RASAL3: variants seen among roughly 807,000 people sequenced by gnomAD.
RASAL3 encodes the protein RAS protein activator like-3.
In RASAL3, 74 loss-of-function variants were observed where a neutral mutation model predicts 105.5. The observed-to-expected ratio is 0.70, with a 90% CI of 0.58 to 0.85. The LOEUF is 0.85. RASAL3 is among the 40% of genes least tolerant of loss of function. RASAL3 has a pLI of 0.00. For missense variants in RASAL3, 1,352 were observed against 1,392.0 expected (o/e 0.97, Z 0.46); for synonymous variants, 579 against 591.6 (o/e 0.98, Z 0.31).
At position 15,452,059 on chromosome 19, in the gene RASAL3, T is replaced by G; in HGVS notation, c.2878A>C (p.Ser960Arg). 3 of 1,613,948 alleles carry G rather than the reference T, an allele frequency of 1.9e-6. No individual in the cohort carries two copies. The highest frequency in any genetic ancestry group is 2.5e-6 in the Non-Finnish European group (3 of 1,179,856). ...EHNLTSNEGHSLKNLEHRLNE... is the reference protein window; with the variant it reads ...EHNLTSNEGHRLKNLEHRLNE... ...GGCAATCTCACCAGGTTTTTCAGAC[T>G]GTGCCCTTCATTGCTTGTTAGGTTG... Residue 960 changes from serine to arginine, a missense_variant, in exon 17 of 18, where the codon AGT becomes CGT. Ser to Arg is a moderately radical substitution (Grantham distance 110). Transcript: ENST00000343625.
chr19:15,458,969 A>G (rs529033700), intron 6 of RASAL3, among the ~76,000 whole-genome samples: 1 of 151,734 alleles, frequency 6.6e-6, no homozygotes, highest in South Asian at 2.1e-4. Context: ...TATTTGAGAC[A>G]GAGTCTTGTT....
At position 15,458,602 on chromosome 19, in the gene RASAL3, T is replaced by G; in HGVS notation, c.716A>C (p.Asp239Ala). ...CCGCACATCCCGCTCGGCACCCAGG[T>G]CCAGTTCAGAGAGTGTGGCCAGCGA... is the stretch of plus-strand genomic sequence containing the variant. The part of the protein sequence containing the change: ...RESLATLSEL[D>A]LGAERDVRIW... The change falls in exon 7 of 18, where the codon GAC (aspartate) becomes GCC (alanine). Residue 239 changes from aspartate to alanine, a missense_variant. Asp to Ala is a moderately radical substitution (Grantham distance 126). Transcript: ENST00000343625. 2.5e-6 allele frequency: 4 copies of G among 1,613,470 alleles called. No individual in the cohort carries two copies. Among genetic ancestry groups the G allele is most frequent in the Non-Finnish European group, 3.4e-6 (4 of 1,179,732 alleles).
chr19:15,452,444 G>A (rs1970179310), intron 16 of RASAL3: 4 of 595,216 alleles, frequency 6.7e-6, no homozygotes, highest in Non-Finnish European at 1.2e-5. Flanking sequence ...CTGGATGAGA[G>A]AATCTGCCAG....
Position 15,457,461 on chromosome 19 carries a change from G to A in RASAL3, c.1262C>T (p.Ala421Val), listed in dbSNP as rs1188434681. Reference protein sequence around the residue: ...AGAALRARIRARRLRVLPSER... With the variant: ...AGAALRARIRVRRLRVLPSER... The stretch of plus-strand genomic sequence containing the variant: ...GGACGGCAGCACGCGCAGGCGACGC[G>A]CCCGAATCCGCGCCCGCAGCGCTGC... The change falls in exon 9 of 18, where the codon GCG (alanine) becomes GTG (valine). Residue 421 changes from alanine to valine, a missense_variant. This residue lies in a region of RASAL3 where 920 missense variants were observed against 919.6 expected (regional missense o/e 1.00). Transcript: ENST00000343625. The surrounding 1 kb of genome is among the most constrained non-coding windows in gnomAD (Gnocchi z 8.6). 7.3e-7 allele frequency: 1 copy of A among 1,372,604 alleles called. No homozygotes were observed. The highest frequency in any genetic ancestry group is 9.4e-7 in the Non-Finnish European group (1 of 1,063,502). 85.0% of individuals were successfully genotyped at this position (1,372,604 alleles called of 1,614,324 possible). A position where few individuals can be genotyped will look rare whatever the true frequency, so the allele number is the denominator to read the frequency against.
In RASAL3 at chr19:15,458,406, G is replaced by A. The variant is rs2145476246; in HGVS notation, c.810C>T (p.Ser270=). 1.2e-6 allele frequency: 2 copies of A among 1,613,884 alleles called. No individual in the cohort carries two copies. The highest frequency in any genetic ancestry group is 2.2e-5 in the South Asian group (2 of 91,066). Residue 270 remains serine, a synonymous_variant, in exon 8 of 18, where the codon AGC becomes AGT. Transcript: ENST00000343625. ...HCFQVTWTGG[S]RCFSCRSAAE... Reference sequence around the variant, plus strand: ...CGGCCGAGCGACAAGAGAAGCAGCGGCTTCCACCCGTCCAGGTTACCTGTT... The same window carrying A: ...CGGCCGAGCGACAAGAGAAGCAGCGACTTCCACCCGTCCAGGTTACCTGTT...
intron 12 of RASAL3, 38 bp downstream of exon 12, chr19:15,454,619 C>T (rs372183828): frequency 6.2e-7 from 1 of 1,611,906 alleles, no homozygotes. Context: ...CCCACACTCC[C>T]AGCATGGTCC....
At position 15,453,274 on chromosome 19, in the gene RASAL3, A is replaced by G; in HGVS notation, c.2503T>C (p.Trp835Arg). 6.5e-7 allele frequency: 1 copy of G among 1,539,858 alleles called. No homozygotes were observed. The highest frequency in any genetic ancestry group is 1.2e-5 in the South Asian group (1 of 84,114). Reference sequence around the variant, plus strand: ...CTCAGGGAGCCTTTGGGTCGCGGCCAGGGCCCCGCAGATTGGCGGCGGCGG... The same window carrying G: ...CTCAGGGAGCCTTTGGGTCGCGGCCGGGGCCCCGCAGATTGGCGGCGGCGG... ...PARRRQSAGPWPRPKGSLSMG... is the reference protein window; with the variant it reads ...PARRRQSAGPRPRPKGSLSMG... The change falls in exon 15 of 18, where the codon TGG becomes CGG. Residue 835 changes from tryptophan (W) to arginine (R), a missense_variant. Around this residue, in one of 3 missense-constraint regions of RASAL3, gnomAD observed 920 missense variants for 919.6 expected, o/e 1.00. Coordinates refer to ENST00000343625, the MANE Select transcript of RASAL3 (RefSeq NM_022904.3). This position sits in a 1 kb window ranked among gnomAD's most constrained non-coding sequence, Gnocchi z 4.2.
chr19:15,453,244 C>T lies in RASAL3; in HGVS notation c.2533G>A (p.Gly845Arg), dbSNP rs768987938. The T allele has an allele frequency of 3.8e-6, 6 of 1,590,028 alleles. No individual in the cohort carries two copies. The highest frequency in any genetic ancestry group is 2.3e-5 in the East Asian group (1 of 43,584). ...CAAGGCCGGGCGCGGGGCGCTGGTC[C>T]CATGCTCAGGGAGCCTTTGGGTCGC... is the stretch of plus-strand genomic sequence containing the variant. ...WPRPKGSLSM[G>R]PAPRARPWTR... The change falls in exon 15 of 18, where the codon GGA becomes AGA. Residue 845 changes from glycine to arginine, a missense_variant. By Grantham distance (125) the Gly-to-Arg change is moderately radical. This residue lies in a region of RASAL3 where 920 missense variants were observed against 919.6 expected (regional missense o/e 1.00). Transcript: ENST00000343625. The surrounding 1 kb of genome is among the most constrained non-coding windows in gnomAD (Gnocchi z 4.2).
rs201327108 is a variant in RASAL3 at position 15,458,620 on chromosome 19, G to A, written c.698C>T (p.Ala233Val). ...PSALGSRESL[A>V]TLSELDLGAE... ...ACCCAGGTCCAGTTCAGAGAGTGTG[G>A]CCAGCGACTCCCTAGAGCCCAGAGC... The change falls in exon 7 of 18, where the codon GCC (alanine) becomes GTC (valine). Residue 233 changes from alanine (A) to valine (V), a missense_variant. This residue lies in a region of RASAL3 where 344 missense variants were observed against 339.6 expected (regional missense o/e 1.01). Coordinates refer to ENST00000343625, the MANE Select transcript of RASAL3 (RefSeq NM_022904.3). 801 of 1,613,578 alleles carry A rather than the reference G, an allele frequency of 5.0e-4. 3 individuals are homozygous for A. Among genetic ancestry groups the A allele is most frequent in the South Asian group, 2.0e-3 (181 of 90,966 alleles).
intron 2 of RASAL3, 91 bp downstream of exon 2, chr19:15,463,940 G>A: frequency 8.2e-7 from 1 of 1,219,888 alleles, no homozygotes; most frequent in Non-Finnish European, 1.1e-6. Context: ...ACAACTTCCT[G>A]TGTCTGTATG....
rs780672361 is a variant in RASAL3, at chr19:15,454,456, C to G, written c.2065G>C (p.Ala689Pro). Reference sequence around the variant, plus strand: ...CTGCCCTGGTAACCACTGGGGGCAGCATCCACATCCACCATGGCTACCTGG... The same window carrying G: ...CTGCCCTGGTAACCACTGGGGGCAGGATCCACATCCACCATGGCTACCTGG... ...LDQVAMVDVD[A>P]APSGYQGSGD... is the part of the protein sequence containing the mutation. The change falls in exon 13 of 18, where the codon GCT becomes CCT. Residue 689 changes from alanine to proline, a missense_variant. Coordinates refer to ENST00000343625, the MANE Select transcript of RASAL3 (RefSeq NM_022904.3). 56 of 1,613,880 alleles carry G rather than the reference C, an allele frequency of 3.5e-5. No individual in the cohort carries two copies. In the Admixed American group the frequency reaches 9.3e-4, roughly 27 times the overall value.
rs1970193066 is a variant in RASAL3, at chr19:15,452,666, G to C, written c.2820C>G (p.Leu940=). The change falls in exon 16 of 18, where the codon CTC becomes CTG. Residue 940 remains leucine, a synonymous_variant. Coordinates refer to ENST00000343625, the MANE Select transcript of RASAL3 (RefSeq NM_022904.3). ...RGQLQDLDSR[L]RAGSSEFDSE... ...GAGAGGGCTGGGCTCACCCAGCACG[G>C]AGCCTGGAGTCCAGATCCTGCAGCT... The C allele has an allele frequency of 6.5e-7, 1 of 1,547,392 alleles. No homozygotes were observed. Among genetic ancestry groups the C allele is most frequent in the South Asian group, 1.2e-5 (1 of 83,626 alleles).
chr19:15,453,353 C>T lies in RASAL3; in HGVS notation c.2424G>A (p.Leu808=). ...ARPRPDEERP[L]RRPRPVQRTQ... ...TGCGCTGCACCGGCCGGGGCCGCCG[C>T]AGGGGCCGCTCTTCGTCCGGCCGTG... The change falls in exon 15 of 18, where the codon CTG becomes CTA. Residue 808 remains leucine (L), a synonymous_variant. Transcript: ENST00000343625. The surrounding 1 kb of genome is among the most constrained non-coding windows in gnomAD (Gnocchi z 4.2). The T allele has an allele frequency of 2.1e-6, 3 of 1,432,238 alleles. No homozygotes were observed. Among genetic ancestry groups the T allele is most frequent in the Non-Finnish European group, 1.8e-6 (2 of 1,099,570 alleles). 88.7% of individuals were successfully genotyped at this position (1,432,238 alleles called of 1,614,324 possible).
rs759246034 is a variant in RASAL3 at position 15,456,096 on chromosome 19, A to G, written c.1721+8T>C. 4 of 1,612,192 alleles carry G rather than the reference A, an allele frequency of 2.5e-6. No homozygotes were observed. Among genetic ancestry groups the G allele is most frequent in the Non-Finnish European group, 3.4e-6 (4 of 1,178,594 alleles). The stretch of plus-strand genomic sequence containing the variant: ...GGTGGGCTAAGCTGCTGGGGCCCTG[A>G]TTCTCACTCGTAGGAATGGATAATG... On this transcript the variant is annotated splice_region_variant and intron_variant, in intron 11 of 17. Transcript: ENST00000343625. This position sits in a 1 kb window ranked among gnomAD's most constrained non-coding sequence, Gnocchi z 4.4.
In RASAL3 at chr19:15,460,973, A is replaced by G. The variant is rs1174288002; in HGVS notation, c.606+87T>C. 1.5e-5 allele frequency: 19 copies of G among 1,252,520 alleles called. No individual in the cohort carries two copies. In the East Asian group the frequency reaches 3.8e-4, roughly 25 times the overall value. The allele number at this position is 1,252,520 out of a possible 1,614,324, so 77.6% of individuals were successfully genotyped here. A position where few individuals can be genotyped will look rare whatever the true frequency, so the allele number is the denominator to read the frequency against. The stretch of plus-strand genomic sequence containing the variant: ...AAAGAGGGTCAGCAACCTGCTCCAG[A>G]TCACCCAGCAAGAGTGCCCTTTCAG... On this transcript the variant is annotated intron_variant, in intron 5 of 17. Coordinates refer to ENST00000343625, the MANE Select transcript of RASAL3 (RefSeq NM_022904.3).
chr19:15,464,119 G>A lies in RASAL3; in HGVS notation c.240C>T (p.Thr80=). ...GGGCCTTGGAGAGTCGAAGGCGACT[G>A]GTCCGTGACTCCTTGGGAGGCGCAG... ...VLSAPPKESR[T]SRLRLSKALW... is the part of the protein sequence containing the mutation. The change falls in exon 2 of 18, where the codon ACC becomes ACT. Residue 80 remains threonine (T), a synonymous_variant. Coordinates refer to ENST00000343625, the MANE Select transcript of RASAL3 (RefSeq NM_022904.3). 3 of 1,613,420 alleles carry A rather than the reference G, an allele frequency of 1.9e-6. No individual in the cohort carries two copies. Among genetic ancestry groups the A allele is most frequent in the Non-Finnish European group, 2.5e-6 (3 of 1,179,720 alleles).
At chr19:15,460,760 A>G (rs940442998) in intron 5 of RASAL3, among the ~76,000 whole-genome samples, 1 of 152,130 alleles carries the variant, frequency 6.6e-6, no homozygotes, top group Admixed American at 6.5e-5. Context: ...AAGTCTCCCC[A>G]TGTTGCTTAG....
rs1212777633 is a variant in RASAL3, at chr19:15,453,737, C to T, written c.2280-240G>A. ...CAGCCTCCCAAATATCTAGGACTAC[C>T]AGCACATGCCACTATACCCAGGTAA... On this transcript the variant is annotated intron_variant, in intron 14 of 17. Transcript: ENST00000343625. This position sits in a 1 kb window ranked among gnomAD's most constrained non-coding sequence, Gnocchi z 4.2. Among the ~76,000 whole-genome samples the T allele has an allele frequency of 1.3e-5, 2 of 151,774 alleles. No homozygotes were observed. The highest frequency in any genetic ancestry group is 4.8e-5 in the African/African-American group (2 of 41,306).
chr19:15,458,219 G>A, intron 8 of RASAL3, 109 bp downstream of exon 8: 1 of 969,642 alleles, frequency 1.0e-6, no homozygotes, highest in Admixed American at 2.1e-5. Flanking sequence ...GGCGGGGCAG[G>A]TGTGTTGGGG....
Sources: gnomAD v4.1 joint callset for allele counts (sites outside exome capture counted in the v4.1 genomes callset) on GRCh38, gnomAD v4.1.1 for gene constraint, gnomAD v4.1.1 regional missense constraint, Gnocchi (gnomAD v3.1) non-coding constraint, MANE v1.5 for transcripts, NCBI Gene and HGNC (gene_info 2026-07-23, HGNC 2026-07-21) for gene names.